TNS1: variants seen among roughly 807,000 people sequenced by gnomAD.
TNS1 encodes the protein tensin 1.
In TNS1, 62 loss-of-function variants were observed where a neutral mutation model predicts 168.6. The observed-to-expected ratio is 0.37, with a 90% CI of 0.30 to 0.45. The LOEUF (loss-of-function observed/expected upper bound fraction) is 0.45, where lower values mean the gene tolerates loss of function less well. Ranked by LOEUF, TNS1 falls within the 20% of genes least tolerant of loss-of-function variation. The probability of loss-of-function intolerance (pLI) is 1.00; values close to 1 mark genes in which losing one functional copy is unlikely to be tolerated. For synonymous variants in TNS1, 934 were observed against 933.2 expected, an observed-to-expected ratio of 1.00 and a Z score of -0.02; for missense variants, 2,240 against 2,339.4, an observed-to-expected ratio of 0.96 and a Z score of 0.88.
In TNS1 at chr2:218,002,823, A is replaced by G. The variant is rs182080051; in HGVS notation, c.33+17T>C. 689 of 456,668 alleles carry G rather than the reference A, an allele frequency of 1.5e-3. 4 individuals carry two copies. Among genetic ancestry groups the G allele is most frequent in the African/African-American group, 0.012 (621 of 50,158 alleles). The allele number at this position is 456,668 out of a possible 1,614,324, so 28.3% of individuals were successfully genotyped here. A position where few individuals can be genotyped will look rare whatever the true frequency, so the allele number is the denominator to read the frequency against. Reference sequence around the variant, plus strand: ...TTTGAGGAAGAGTAACGTCGCAGCTAAAGCAGCCAGACCTACCCAGAGCAT... The same window carrying G: ...TTTGAGGAAGAGTAACGTCGCAGCTGAAGCAGCCAGACCTACCCAGAGCAT... On this transcript the variant is annotated intron_variant, in intron 1 of 32. Transcript: ENST00000682258.
At chr2:217,828,689 AG>A (rs1190477950) in intron 22 of TNS1, among the ~76,000 whole-genome samples, 2 of 152,184 alleles carry the variant, frequency 1.3e-5, no homozygotes, top group African/African-American at 4.8e-5. Flanking sequence ...TGCCCAGTGC[AG>A]GGCTCATCTA....
At position 218,016,726 on chromosome 2, in the gene TNS1, C is replaced by A. The variant is rs546547422; in HGVS notation, c.156+17094G>T. On this transcript the variant is annotated intron_variant, in intron 1 of 1. Transcript: ENST00000649572. ...GAATGGACCCCCCCAGAAAGACAATCCAAAATAGGAGAGGCACTGGGGCTG... is the reference window on the plus strand; with the variant it reads ...GAATGGACCCCCCCAGAAAGACAATACAAAATAGGAGAGGCACTGGGGCTG... 1.8e-4 allele frequency among the ~76,000 whole-genome samples: 27 copies of A among 152,230 alleles called. No individual in the cohort carries two copies. The South Asian group carries it at 5.2e-3, about 29-fold the overall frequency.
At chr2:217,942,023 CA>C (rs900302454) in intron 3 of TNS1, among the ~76,000 whole-genome samples, 4 of 152,200 alleles carry the variant, frequency 2.6e-5, no homozygotes, top group Non-Finnish European at 5.9e-5. Flanking sequence ...ATAAGCATCC[CA>C]ACCCAGCCCC....
At chr2:217,911,497 C>T (rs1954404317) in intron 4 of TNS1, among the ~76,000 whole-genome samples, 1 of 152,262 alleles carries the variant, frequency 6.6e-6, no homozygotes, top group Non-Finnish European at 1.5e-5. Context: ...CTCTGGCCCT[C>T]ATCCTGGCCC....
chr2:218,026,976 G>A (rs527301646), intron 1 of TNS1, among the ~76,000 whole-genome samples: 7 of 152,354 alleles, frequency 4.6e-5, no homozygotes, highest in Admixed American at 1.3e-4. Context: ...CAAGTTCTTG[G>A]GGCTACTGGC....
chr2:217,838,640 G>C (rs991970363), intron 19 of TNS1, among the ~76,000 whole-genome samples: 3 of 152,240 alleles, frequency 2.0e-5, no homozygotes, highest in African/African-American at 7.2e-5. Context: ...GGCACCAATG[G>C]CCAGTCAGGG....
intron 6 of TNS1, chr2:217,903,854 C>A: frequency 2.0e-6 from 1 of 487,844 alleles, no homozygotes; most frequent in Non-Finnish European, 3.6e-6. Context: ...CTGCCTTCTT[C>A]CCCGTCATGA....
intron 21 of TNS1, among the ~76,000 whole-genome samples, 160 bp from the exon 22 acceptor site, chr2:217,831,707 G>A (rs1029033290): frequency 3.9e-5 from 6 of 152,234 alleles, no homozygotes; most frequent in African/African-American, 7.2e-5. Context: ...GCCCTTTCCC[G>A]CCTCCGTATT....
intron 3 of TNS1, among the ~76,000 whole-genome samples, chr2:217,925,253 T>G (rs1955956512): frequency 1.3e-5 from 2 of 152,130 alleles, no homozygotes; most frequent in South Asian, 4.1e-4. Flanking sequence ...CTCCAGGCAT[T>G]TTTATGGTCT....
At position 217,847,742 on chromosome 2, in the gene TNS1, T is replaced by A; in HGVS notation, c.2775A>T (p.Pro925=). The part of the protein sequence containing the change: ...GRSYSPYDYQ[P]CLAGPNQDFH... The stretch of plus-strand genomic sequence containing the variant: ...AATCCTGGTTAGGCCCAGCCAAACA[T>A]GGCTGATAGTCATAAGGTGAGTAAG... The change falls in exon 19 of 33, where the codon CCA becomes CCT. Residue 925 remains proline, a synonymous_variant. Transcript: ENST00000682258. 1 of 1,608,496 alleles carries A rather than the reference T, an allele frequency of 6.2e-7. No individual in the cohort carries two copies. Among genetic ancestry groups the A allele is most frequent in the Non-Finnish European group, 8.5e-7 (1 of 1,175,618 alleles).
intron 13 of TNS1, 147 bp from the exon 14 acceptor site, chr2:217,886,251 T>A: frequency 2.4e-6 from 2 of 838,392 alleles, no homozygotes; most frequent in Non-Finnish European, 3.7e-6. Context: ...GAGGAAAGAG[T>A]AAAAGAGGAA....
At chr2:217,836,310 G>C in intron 19 of TNS1, 99 bp from the exon 20 acceptor site, 2 of 1,239,854 alleles carry the variant, frequency 1.6e-6, no homozygotes, top group Non-Finnish European at 2.2e-6. Flanking sequence ...TCCTAGCTCA[G>C]AGGCCATGCT....
At position 217,906,464 on chromosome 2, in the gene TNS1, C is replaced by A. The variant is rs766816928; in HGVS notation, c.271-79G>T. Reference sequence around the variant, plus strand: ...TGCACCTTGCTGGGTTTGTCAGGAGCGGCAGATGAGGAGGTTGGCAGAGGG... The same window carrying A: ...TGCACCTTGCTGGGTTTGTCAGGAGAGGCAGATGAGGAGGTTGGCAGAGGG... On this transcript the variant is annotated intron_variant, in intron 5 of 32. Transcript: ENST00000682258. 33 of 697,112 alleles carry A rather than the reference C, an allele frequency of 4.7e-5. No individual in the cohort carries two copies. The Middle Eastern group carries it at 2.3e-3, about 49-fold the overall frequency. 43.2% of individuals were successfully genotyped at this position (697,112 alleles called of 1,614,324 possible). A position where few individuals can be genotyped will look rare whatever the true frequency, so the allele number is the denominator to read the frequency against.
intron 31 of TNS1, 114 bp from the exon 32 acceptor site, chr2:217,808,221 TC>T: frequency 2.4e-6 from 3 of 1,243,114 alleles, no homozygotes; most frequent in Non-Finnish European, 3.4e-6. Context: ...TGCCCCCCAT[TC>T]CCCCCTCATT....
At position 217,895,072 on chromosome 2, in the gene TNS1, G is replaced by C; in HGVS notation, c.544-16C>G. ...GGTTGAACAGCTAGAAGGAGCAAAA[G>C]GAAGAGAGCATGAGGAGGTGAGGGT... On this transcript the variant is annotated splice_polypyrimidine_tract_variant and intron_variant, in intron 8 of 32. Coordinates refer to ENST00000682258, the MANE Select transcript of TNS1 (RefSeq NM_001387777.1). 5 of 1,607,528 alleles carry C rather than the reference G, an allele frequency of 3.1e-6. No individual in the cohort carries two copies. The highest frequency in any genetic ancestry group is 4.2e-6 in the Non-Finnish European group (5 of 1,176,780).
intron 19 of TNS1, chr2:217,842,096 G>C (rs1412823398): frequency 1.0e-5 from 7 of 702,996 alleles, no homozygotes; most frequent in Non-Finnish European, 1.8e-5. Context: ...TCCTATGCTG[G>C]TTCCCTCCTC....
rs906137753 is a variant in TNS1 at position 217,803,623 on chromosome 2, G to A, written c.*836C>T. On this transcript the variant is annotated 3_prime_UTR_variant, in exon 33 of 33. Transcript: ENST00000682258. ...TTGCAGACCCTCCCACTCCTGCTGG[G>A]GTCTTTGTAGAAGAGAAGGGTCTGG... is the stretch of plus-strand genomic sequence containing the variant. 7 of 152,676 alleles carry A rather than the reference G, an allele frequency of 4.6e-5. No individual in the cohort carries two copies. The highest frequency in any genetic ancestry group is 1.7e-4 in the African/African-American group (7 of 41,438). The allele number at this position is 152,676 out of a possible 1,614,324, so 9.5% of individuals were successfully genotyped here. A position where few individuals can be genotyped will look rare whatever the true frequency, so the allele number is the denominator to read the frequency against.
intron 1 of TNS1, among the ~76,000 whole-genome samples, chr2:218,031,218 GTA>G (rs1442145922): frequency 6.7e-6 from 1 of 148,432 alleles, no homozygotes; most frequent in Non-Finnish European, 1.5e-5. Context: ...GTGTCTGTGT[GTA>G]TGAGTGTGAG....
chr2:217,805,643 A>G (rs1187077872), intron 32 of TNS1, among the ~76,000 whole-genome samples: 1 of 83,142 alleles, frequency 1.2e-5, no homozygotes, highest in Non-Finnish European at 2.5e-5. Flanking sequence ...ACCCACACAC[A>G]TCACACACAC....
Sources: gnomAD v4.1 joint callset for allele counts (sites outside exome capture counted in the v4.1 genomes callset) on GRCh38, gnomAD v4.1.1 for gene constraint, MANE v1.5 for transcripts, NCBI Gene and HGNC (gene_info 2026-07-23, HGNC 2026-07-21) for gene names.